Variants in RNF157 observed in about 807,000 individuals in gnomAD.
The protein encoded by RNF157 is ring finger protein 157.
A neutral mutation model predicts 88.3 loss-of-function variants in RNF157; 55 were observed. That is an observed-to-expected ratio of 0.62 (90% CI 0.50 to 0.78). The LOEUF (loss-of-function observed/expected upper bound fraction) is 0.78. RNF157 is among the 30% of genes least tolerant of loss of function. RNF157 has a pLI of 0.00. For missense variants in RNF157, 788 were observed against 860.8 expected, an observed-to-expected ratio of 0.92 and a Z score of 1.06; for synonymous variants, 334 against 341.2, an observed-to-expected ratio of 0.98 and a Z score of 0.23.
At chr17:76,218,941 T>TA (rs538539096) in intron 1 of RNF157, among the ~76,000 whole-genome samples, 29 of 147,388 alleles carry the variant, frequency 2.0e-4, no homozygotes, top group South Asian at 4.3e-4. Flanking sequence ...CTCAAAAAAA[T>TA]AAAAAAAAAT....
intron 2 of RNF157, among the ~76,000 whole-genome samples, chr17:76,189,404 G>T (rs765934884): frequency 6.6e-6 from 1 of 152,158 alleles, no homozygotes; most frequent in Non-Finnish European, 1.5e-5. Context: ...CAGAAGGCGT[G>T]GGTCTCAGCT....
At chr17:76,218,480 T>C (rs1431398233) in intron 1 of RNF157, among the ~76,000 whole-genome samples, 1 of 151,406 alleles carries the variant, frequency 6.6e-6, no homozygotes, top group African/African-American at 2.4e-5. Flanking sequence ...ATCTCTACAA[T>C]AAAAAAATTA....
At chr17:76,235,065 T>G (rs2070258200) in intron 1 of RNF157, among the ~76,000 whole-genome samples, 1 of 152,238 alleles carries the variant, frequency 6.6e-6, no homozygotes, top group African/African-American at 2.4e-5. Context: ...GGCATTATAG[T>G]AATTATATGC....
intron 2 of RNF157, among the ~76,000 whole-genome samples, chr17:76,189,664 G>C (rs2069350575): frequency 6.6e-6 from 1 of 152,186 alleles, no homozygotes. Context: ...AGCTGACAGA[G>C]AGAAACTGCA....
In RNF157 at chr17:76,154,314, T is replaced by C. The variant is rs761741928; in HGVS notation, c.1779A>G (p.Ile593Met). The change falls in exon 17 of 19, where the codon ATA becomes ATG. Residue 593 changes from isoleucine to methionine, a missense_variant. Ile to Met is a conservative substitution (Grantham distance 10, BLOSUM62 1). Transcript: ENST00000269391. ...GEQDAEGNDV[I>M]EEEDGSPTQE... ...GCGTGGGTGATCCATCCTCTTCCTC[T>C]ATAACATCATTTCCCTAGGACAGAA... 3 of 1,612,268 alleles carry C rather than the reference T, an allele frequency of 1.9e-6. No individual in the cohort carries two copies. In the Admixed American group the frequency reaches 5.0e-5, roughly 27 times the overall value.
At chr17:76,181,626 A>C (rs1258350486) in intron 2 of RNF157, among the ~76,000 whole-genome samples, 3 of 152,084 alleles carry the variant, frequency 2.0e-5, no homozygotes, top group African/African-American at 7.2e-5. Flanking sequence ...TTTTCAAAAA[A>C]TGGTCGGGTG....
chr17:76,145,126 G>C lies in RNF157; in HGVS notation c.*109C>G. On this transcript the variant is annotated 3_prime_UTR_variant, in exon 19 of 19. Coordinates refer to ENST00000269391, the MANE Select transcript of RNF157 (RefSeq NM_052916.3). ...TTACAGGTTGTAACAGCTGTCACAG[G>C]AGGGTAAAAAGTCTCCAGCATCTTG... 1 of 669,318 alleles carries C rather than the reference G, an allele frequency of 1.5e-6. No individual in the cohort carries two copies. Among genetic ancestry groups the C allele is most frequent in the Non-Finnish European group, 2.6e-6 (1 of 381,924 alleles). The allele number at this position is 669,318 out of a possible 1,614,324, so 41.5% of individuals were successfully genotyped here. A position where few individuals can be genotyped will look rare whatever the true frequency, so the allele number is the denominator to read the frequency against.
intron 2 of RNF157, among the ~76,000 whole-genome samples, chr17:76,193,066 G>A (rs1374800783): frequency 2.6e-5 from 4 of 152,022 alleles, no homozygotes; most frequent in Admixed American, 6.6e-5. Context: ...TGATCCTCCC[G>A]CCTCGGCCTC....
At chr17:76,163,089 G>C (rs907009785) in intron 8 of RNF157, 36 of 155,088 alleles carry the variant, frequency 2.3e-4, no homozygotes, top group African/African-American at 8.5e-4. Flanking sequence ...TGCAAAGGGC[G>C]ATAGCAAGAC....
intron 1 of RNF157, among the ~76,000 whole-genome samples, chr17:76,224,233 T>C (rs1265228944): frequency 2.0e-5 from 3 of 152,220 alleles, no homozygotes; most frequent in Non-Finnish European, 4.4e-5. Flanking sequence ...CATTTTGAAT[T>C]TAAGTTTTTG....
chr17:76,166,995 C>G lies in RNF157; in HGVS notation c.561+14G>C, dbSNP rs202044605. 1.1e-4 allele frequency: 177 copies of G among 1,580,600 alleles called. No homozygotes were observed. The East Asian group carries it at 3.3e-3, about 29-fold the overall frequency. ...CTGAGTGGATGTGGGAAACCCTCCC[C>G]AGAGGCAGCTCACCTCCTCTTCGGC... On this transcript the variant is annotated intron_variant, in intron 5 of 18. Transcript: ENST00000269391.
At chr17:76,205,376 C>G (rs1369467435) in intron 2 of RNF157, among the ~76,000 whole-genome samples, 2 of 152,050 alleles carry the variant, frequency 1.3e-5, no homozygotes, top group African/African-American at 4.8e-5. Flanking sequence ...TCAAGTGATC[C>G]TCCCGCCTCA....
chr17:76,193,178 T>C (rs540492241), intron 2 of RNF157, among the ~76,000 whole-genome samples: 1 of 152,296 alleles, frequency 6.6e-6, no homozygotes, highest in South Asian at 2.1e-4. Context: ...AGCATCAATG[T>C]CCTTATCTGT....
intron 8 of RNF157, chr17:76,163,022 G>T (rs1013580030): frequency 6.4e-6 from 1 of 156,302 alleles, no homozygotes; most frequent in Non-Finnish European, 1.4e-5. Context: ...GAATGGAAAA[G>T]AGAAAGAAAA....
At chr17:76,192,041 T>C (rs1169701530) in intron 2 of RNF157, among the ~76,000 whole-genome samples, 1 of 152,226 alleles carries the variant, frequency 6.6e-6, no homozygotes, top group Non-Finnish European at 1.5e-5. Flanking sequence ...AGATTTTTCT[T>C]TGAAATGCAA....
intron 2 of RNF157, 113 bp from the exon 3 acceptor site, chr17:76,173,903 TCTC>T (rs375578489): frequency 4.9e-6 from 4 of 816,184 alleles, no homozygotes; most frequent in African/African-American, 1.8e-5. Flanking sequence ...AAGGCACAAC[TCTC>T]CTAATTAAGT....
In RNF157 at chr17:76,166,497, G is replaced by C. The variant is rs550231445; in HGVS notation, c.592C>G (p.Pro198Ala). ...TCCACCACGGCATGTACCACTAGAG[G>C]GTAAACTTCTCGGTCTAAATCAAAG... ...LGFDLDREVY[P>A]LVVHAVVDEG... Residue 198 changes from proline to alanine, a missense_variant, in exon 6 of 19, where the codon CCT becomes GCT. Coordinates refer to ENST00000269391, the MANE Select transcript of RNF157 (RefSeq NM_052916.3). The C allele has an allele frequency of 6.2e-7, 1 of 1,613,944 alleles. No homozygotes were observed. Among genetic ancestry groups the C allele is most frequent in the African/African-American group, 1.3e-5 (1 of 74,978 alleles).
intron 2 of RNF157, among the ~76,000 whole-genome samples, chr17:76,192,862 G>A (rs1163674135): frequency 7.4e-6 from 1 of 135,590 alleles, no homozygotes; most frequent in East Asian, 2.1e-4. Flanking sequence ...TTTTTTTTGA[G>A]ACAGCATCCG....
rs780475505 is a variant in RNF157, at chr17:76,165,564, C to A, written c.629-19G>T. The A allele has an allele frequency of 6.2e-7, 1 of 1,614,080 alleles. No individual in the cohort carries two copies. Among genetic ancestry groups the A allele is most frequent in the East Asian group, 2.2e-5 (1 of 44,890 alleles). On this transcript the variant is annotated intron_variant, in intron 6 of 18. Coordinates refer to ENST00000269391, the MANE Select transcript of RNF157 (RefSeq NM_052916.3). ...AAATACTCTGAAAGAAACAAAGGCA[C>A]GTGAGTGAAGAAGCCCAAACAGCAC...
Sources: allele counts gnomAD v4.1 joint callset (sites outside exome capture counted in the v4.1 genomes callset), GRCh38; gene constraint gnomAD v4.1.1; transcripts MANE v1.5; gene names NCBI Gene and HGNC (gene_info 2026-07-23, HGNC 2026-07-21).